ERC2: variants seen among roughly 807,000 people sequenced by gnomAD.
ERC2 encodes the protein ELKS/RAB6-interacting/CAST family member 2.
ERC2 carries 42 observed loss-of-function variants against 114.8 expected under a neutral mutation model. That is an observed-to-expected ratio of 0.37 (90% CI 0.29 to 0.47). ERC2 has a LOEUF of 0.47. Ranked by LOEUF, ERC2 falls within the 20% of genes least tolerant of loss-of-function variation. ERC2 has a pLI of 0.99. For missense variants in ERC2, 939 were observed against 1,150.7 expected, an observed-to-expected ratio of 0.82 and a Z score of 2.66; for synonymous variants, 454 against 425.5, an observed-to-expected ratio of 1.07 and a Z score of -0.82.
chr3:56,163,207 T>A (rs1021323316), intron 4 of ERC2, among the ~76,000 whole-genome samples: 1 of 152,196 alleles, frequency 6.6e-6, no homozygotes, highest in African/African-American at 2.4e-5. Flanking sequence ...ATTTCTATTT[T>A]TATTCCACAG....
intron 2 of ERC2, among the ~76,000 whole-genome samples, chr3:56,400,410 T>A (rs1223960742): frequency 1.3e-5 from 2 of 152,114 alleles, no homozygotes; most frequent in East Asian, 3.8e-4. Context: ...TGCCAAAAAA[T>A]TAAACTAAAA....
intron 7 of ERC2, among the ~76,000 whole-genome samples, chr3:56,050,570 G>A (rs1020351641): frequency 4.6e-5 from 7 of 152,112 alleles, no homozygotes; most frequent in African/African-American, 1.4e-4. Flanking sequence ...GAACTGCTAA[G>A]CTCCACAACT....
chr3:56,084,867 TA>T (rs35491624), intron 6 of ERC2, among the ~76,000 whole-genome samples: 25,800 of 132,896 alleles, frequency 0.19, 2,301 homozygotes, highest in African/African-American at 0.25. Flanking sequence ...ATTTAAAAAT[TA>T]AAAAAAAAAA....
At chr3:56,415,587 A>T (rs1167151604) in intron 2 of ERC2, among the ~76,000 whole-genome samples, 1 of 152,250 alleles carries the variant, frequency 6.6e-6, no homozygotes, top group Non-Finnish European at 1.5e-5. Flanking sequence ...TGGATTATTT[A>T]AGAACAACCT....
At chr3:56,116,368 C>A (rs2149842715) in intron 6 of ERC2, among the ~76,000 whole-genome samples, 1 of 152,270 alleles carries the variant, frequency 6.6e-6, no homozygotes, top group African/African-American at 2.4e-5. Context: ...GGCATTGAAC[C>A]TGGAAGGGTC....
intron 2 of ERC2, among the ~76,000 whole-genome samples, chr3:56,412,607 T>C (rs1279875958): frequency 6.6e-6 from 1 of 152,156 alleles, no homozygotes; most frequent in South Asian, 2.1e-4. Context: ...TTGAGAGACA[T>C]AATCATGCAG....
At chr3:55,720,673 G>A (rs1270483792) in intron 15 of ERC2, among the ~76,000 whole-genome samples, 1 of 152,126 alleles carries the variant, frequency 6.6e-6, no homozygotes, top group South Asian at 2.1e-4. Context: ...CAAAAAAGCA[G>A]AAGAGGGGAC....
chr3:56,305,322 T>A (rs1480405437), intron 2 of ERC2, among the ~76,000 whole-genome samples: 1 of 152,016 alleles, frequency 6.6e-6, no homozygotes, highest in Non-Finnish European at 1.5e-5. Flanking sequence ...AGAATTCCTA[T>A]AATTCAATAA....
At chr3:55,867,273 A>G (rs2062365663) in intron 14 of ERC2, among the ~76,000 whole-genome samples, 2 of 152,026 alleles carry the variant, frequency 1.3e-5, no homozygotes, top group Admixed American at 1.3e-4. Flanking sequence ...TGTCTTGATC[A>G]TCTTGGCAGG....
chr3:55,858,346 A>G (rs886785260), intron 14 of ERC2, among the ~76,000 whole-genome samples: 2 of 152,218 alleles, frequency 1.3e-5, no homozygotes, highest in African/African-American at 2.4e-5. Flanking sequence ...TAAATTTACA[A>G]TGCTGGCAGG....
chr3:55,827,400 G>C (rs975629368), intron 14 of ERC2, among the ~76,000 whole-genome samples: 6 of 151,066 alleles, frequency 4.0e-5, no homozygotes, highest in African/African-American at 7.3e-5. Context: ...GATAAAGAGA[G>C]AAAAAGAGAG....
chr3:55,572,060 G>T (rs1331735348), intron 17 of ERC2, among the ~76,000 whole-genome samples: 1 of 152,234 alleles, frequency 6.6e-6, no homozygotes, highest in African/African-American at 2.4e-5. Context: ...GCCCAGGAAG[G>T]CAAGACTGAC....
chr3:55,575,117 T>C (rs2056908554), intron 17 of ERC2, among the ~76,000 whole-genome samples: 1 of 152,140 alleles, frequency 6.6e-6, no homozygotes, highest in African/African-American at 2.4e-5. Flanking sequence ...TGGGTTCAAG[T>C]GATTCTCATG....
intron 3 of ERC2, among the ~76,000 whole-genome samples, chr3:56,216,154 T>C (rs1403624393): frequency 6.6e-6 from 1 of 152,054 alleles, no homozygotes; most frequent in Non-Finnish European, 1.5e-5. Flanking sequence ...AGAGCAGAAC[T>C]GAAAGTGATA....
intron 1 of ERC2, among the ~76,000 whole-genome samples, chr3:56,450,765 A>T (rs1216333526): frequency 6.6e-6 from 1 of 152,186 alleles, no homozygotes; most frequent in Non-Finnish European, 1.5e-5. Context: ...CAGGAGTTCA[A>T]GGCAGCAGGG....
intron 7 of ERC2, among the ~76,000 whole-genome samples, chr3:56,053,575 A>C (rs923857572): frequency 6.6e-6 from 1 of 152,162 alleles, no homozygotes; most frequent in African/African-American, 2.4e-5. Flanking sequence ...ATTTACTGGA[A>C]GCCAGAAAAC....
chr3:56,293,163 G>A (rs955120099), intron 3 of ERC2, among the ~76,000 whole-genome samples: 5 of 152,200 alleles, frequency 3.3e-5, no homozygotes, highest in African/African-American at 9.7e-5. Flanking sequence ...GTGAATCAAC[G>A]TAAAGCATTC....
At chr3:55,902,729 C>A (rs2064204328) in intron 13 of ERC2, among the ~76,000 whole-genome samples, 1 of 152,158 alleles carries the variant, frequency 6.6e-6, no homozygotes, top group East Asian at 1.9e-4. Context: ...TGCTTTCTGG[C>A]CATCCAGCTG....
chr3:56,081,129 T>C (rs879626237), intron 6 of ERC2, 145 bp from the exon 7 acceptor site: 31 of 781,750 alleles, frequency 4.0e-5, no homozygotes, highest in Non-Finnish European at 5.4e-5. Context: ...CTCACTGCCC[T>C]GCATTTTAAC....
Sources: gnomAD v4.1 joint callset for allele counts (sites outside exome capture counted in the v4.1 genomes callset) on GRCh38, gnomAD v4.1.1 for gene constraint, MANE v1.5 for transcripts, NCBI Gene and HGNC (gene_info 2026-07-23, HGNC 2026-07-21) for gene names.